SULF1: variants seen among roughly 807,000 people sequenced by gnomAD.
SULF1 encodes extracellular sulfatase Sulf-1.
In SULF1, 46 loss-of-function variants were observed where a neutral mutation model predicts 110.5. That is an observed-to-expected ratio of 0.42 (90% CI 0.33 to 0.53). The LOEUF (loss-of-function observed/expected upper bound fraction) is 0.53, where lower values mean the gene tolerates loss of function less well. Among genes scored for constraint, SULF1 ranks in the 20% least tolerant of loss-of-function variants. The pLI is 0.12. For missense variants in SULF1, 941 were observed against 1,094.2 expected (o/e 0.86, Z 1.98); for synonymous variants, 371 against 387.1 (o/e 0.96, Z 0.49).
intron 22 of SULF1, among the ~76,000 whole-genome samples, chr8:69,645,200 C>T (rs1373813675): frequency 6.6e-6 from 1 of 152,250 alleles, no homozygotes; most frequent in East Asian, 1.9e-4. Context: ...GGGGTGACAA[C>T]AGTGGCCACC....
intron 3 of SULF1, among the ~76,000 whole-genome samples, chr8:69,533,233 G>T (rs1220902226): frequency 6.6e-6 from 1 of 152,166 alleles, no homozygotes; most frequent in Admixed American, 6.6e-5. Context: ...AAGTTGGAAA[G>T]AATGTGAGTT....
chr8:69,515,208 C>T (rs964445639), intron 3 of SULF1, among the ~76,000 whole-genome samples: 5 of 152,204 alleles, frequency 3.3e-5, no homozygotes. Flanking sequence ...TCTGCCTGGA[C>T]ATCCAGGCAT....
rs940425185 is a variant in SULF1 at position 69,516,084 on chromosome 8, G to T, written c.-134+14116G>T. Among the ~76,000 whole-genome samples, 7 of 152,266 alleles carry T rather than the reference G, an allele frequency of 4.6e-5. No homozygotes were observed. In the South Asian group the frequency reaches 1.5e-3, roughly 32 times the overall value. On this transcript the variant is annotated intron_variant, in intron 3 of 22. Transcript: ENST00000402687. ...TATCTTAACCTCTGCCCATTACCCAGTTCCAAAGTCACTTCCACATGTTCA... is the reference window on the plus strand; with the variant it reads ...TATCTTAACCTCTGCCCATTACCCATTTCCAAAGTCACTTCCACATGTTCA...
At chr8:69,615,644 A>G (rs1809038423) in intron 13 of SULF1, among the ~76,000 whole-genome samples, 2 of 151,980 alleles carry the variant, frequency 1.3e-5, no homozygotes, top group South Asian at 2.1e-4. Flanking sequence ...GCATATATGT[A>G]TGTATATTTG....
intron 3 of SULF1, among the ~76,000 whole-genome samples, chr8:69,526,408 A>C (rs963673777): frequency 6.6e-6 from 1 of 152,010 alleles, no homozygotes; most frequent in African/African-American, 2.4e-5. Context: ...CTGACTTTTT[A>C]TTTTATTAGT....
chr8:69,543,938 G>C lies in SULF1; in HGVS notation c.-133-19601G>C, dbSNP rs141747069. ...TGAGTGGCCTCATCTGCTTATCCCAGTGTGCTGTATATAATCAATGTCAGT... is the reference window on the plus strand; with the variant it reads ...TGAGTGGCCTCATCTGCTTATCCCACTGTGCTGTATATAATCAATGTCAGT... On this transcript the variant is annotated intron_variant, in intron 3 of 22. Coordinates refer to ENST00000402687, the MANE Select transcript of SULF1 (RefSeq NM_001128205.2). Among the ~76,000 whole-genome samples, 8 of 152,314 alleles carry C rather than the reference G, an allele frequency of 5.3e-5. No homozygotes were observed. The East Asian group carries it at 1.5e-3, about 29-fold the overall frequency.
chr8:69,596,774 G>A (rs745818253), intron 8 of SULF1, among the ~76,000 whole-genome samples: 5 of 152,154 alleles, frequency 3.3e-5, no homozygotes, highest in Non-Finnish European at 7.3e-5. Context: ...GTGCCCTGCT[G>A]AGTCCTCAGA....
intron 3 of SULF1, among the ~76,000 whole-genome samples, chr8:69,523,279 C>T (rs1812439465): frequency 6.6e-6 from 1 of 151,932 alleles, no homozygotes; most frequent in African/African-American, 2.4e-5. Flanking sequence ...GTTGGGGAGA[C>T]CTGTGGAAGT....
At chr8:69,508,558 C>T (rs1271699958) in intron 3 of SULF1, among the ~76,000 whole-genome samples, 1 of 152,158 alleles carries the variant, frequency 6.6e-6, no homozygotes, top group Non-Finnish European at 1.5e-5. Flanking sequence ...TATCTGCAGT[C>T]AGTTGACACT....
rs775138164 is a variant in SULF1 at position 69,603,303 on chromosome 8, A to T, written c.1173A>T (p.Pro391=). ...AGTCTGTCCTCAAACTTCTGGACCC[A>T]GAAAAGCCAGGTAACAGGTGTGTCA... is the stretch of plus-strand genomic sequence containing the variant. The part of the protein sequence containing the change: ...DGKSVLKLLD[P]EKPGNRFRTN... The change falls in exon 11 of 23, where the codon CCA becomes CCT. Residue 391 remains proline, a synonymous_variant. Coordinates refer to ENST00000402687, the MANE Select transcript of SULF1 (RefSeq NM_001128205.2). 1 of 1,614,142 alleles carries T rather than the reference A, an allele frequency of 6.2e-7. No individual in the cohort carries two copies. The highest frequency in any genetic ancestry group is 1.1e-5 in the South Asian group (1 of 91,078).
chr8:69,624,350 A>G (rs1232905286), intron 15 of SULF1, among the ~76,000 whole-genome samples, 153 bp downstream of exon 15: 13 of 152,228 alleles, frequency 8.5e-5, no homozygotes, highest in Admixed American at 8.5e-4. Flanking sequence ...GGTTAAAGAA[A>G]CAATGAGTCC....
chr8:69,603,939 A>G (rs1293849133), intron 12 of SULF1, among the ~76,000 whole-genome samples: 1 of 152,244 alleles, frequency 6.6e-6, no homozygotes, highest in Non-Finnish European at 1.5e-5. Context: ...ATCGTTAACA[A>G]TAATTTATGT....
At chr8:69,621,281 GGTGGCCTAGGCCT>G in intron 14 of SULF1, 30 bp downstream of exon 14, 2 of 1,566,538 alleles carry the variant, frequency 1.3e-6, no homozygotes, top group Non-Finnish European at 1.7e-6. Context: ...CCATCTCAAT[GGTGGCCTAGGCCT>G]GTGGGAATAA....
chr8:69,531,529 A>G (rs1311693644), intron 3 of SULF1, among the ~76,000 whole-genome samples: 1 of 152,168 alleles, frequency 6.6e-6, no homozygotes, highest in Non-Finnish European at 1.5e-5. Context: ...ATTTTTTAAT[A>G]TCATGTTATT....
At chr8:69,515,223 A>G (rs1244542599) in intron 3 of SULF1, among the ~76,000 whole-genome samples, 1 of 151,930 alleles carries the variant, frequency 6.6e-6, no homozygotes, top group South Asian at 2.1e-4. Flanking sequence ...AGGCATGTCC[A>G]TTTATCCTCT....
At position 69,629,495 on chromosome 8, in the gene SULF1, T is replaced by G; in HGVS notation, c.2109-9T>G. Reference sequence around the variant, plus strand: ...TGAACACTCAAAATAATCCCTTCTCTTGGAACAGGGAGGCTGCTCAGGAAG... The same window carrying G: ...TGAACACTCAAAATAATCCCTTCTCGTGGAACAGGGAGGCTGCTCAGGAAG... On this transcript the variant is annotated splice_polypyrimidine_tract_variant and intron_variant, in intron 18 of 22. Coordinates refer to ENST00000402687, the MANE Select transcript of SULF1 (RefSeq NM_001128205.2). The G allele has an allele frequency of 1.2e-6, 2 of 1,605,514 alleles. No homozygotes were observed. Among genetic ancestry groups the G allele is most frequent in the Non-Finnish European group, 1.7e-6 (2 of 1,176,626 alleles).
At chr8:69,516,702 C>T (rs2150601731) in intron 3 of SULF1, among the ~76,000 whole-genome samples, 1 of 152,290 alleles carries the variant, frequency 6.6e-6, no homozygotes. Flanking sequence ...GAGATAGAAT[C>T]TTTGTTGATA....
chr8:69,608,451 G>A lies in SULF1; in HGVS notation c.1377+3519G>A, dbSNP rs532147956. Reference sequence around the variant, plus strand: ...TCCCAACACTTTGGGAGCCCGAGGCGGGCAGATCATCTGAGGTCAGGAGTT... The same window carrying A: ...TCCCAACACTTTGGGAGCCCGAGGCAGGCAGATCATCTGAGGTCAGGAGTT... On this transcript the variant is annotated intron_variant, in intron 13 of 22. Coordinates refer to ENST00000402687, the MANE Select transcript of SULF1 (RefSeq NM_001128205.2). 4.6e-5 allele frequency among the ~76,000 whole-genome samples: 7 copies of A among 152,250 alleles called. No individual in the cohort carries two copies. In the East Asian group the frequency reaches 5.8e-4, roughly 13 times the overall value.
chr8:69,621,191 C>G lies in SULF1; in HGVS notation c.1534C>G (p.Arg512Gly), dbSNP rs754990510. 2 of 1,613,984 alleles carry G rather than the reference C, an allele frequency of 1.2e-6. No homozygotes were observed. The highest frequency in any genetic ancestry group is 1.7e-6 in the Non-Finnish European group (2 of 1,179,912). ...KECSCRESGY[R>G]ASRSQRKSQR... is the part of the protein sequence containing the mutation. ...GTGCAGTTGTAGGGAGTCTGGTTAC[C>G]GTGCCAGCAGAAGCCAAAGAAAGAG... Residue 512 changes from arginine (R) to glycine (G), a missense_variant, in exon 14 of 23, where the codon CGT becomes GGT. Coordinates refer to ENST00000402687, the MANE Select transcript of SULF1 (RefSeq NM_001128205.2).
Sources: allele counts gnomAD v4.1 joint callset (sites outside exome capture counted in the v4.1 genomes callset), GRCh38; gene constraint gnomAD v4.1.1; transcripts MANE v1.5; gene names NCBI Gene and HGNC (gene_info 2026-07-23, HGNC 2026-07-21).